The following BNIP2 variants were observed in gnomAD, a reference collection of about 807,000 sequenced individuals.
BNIP2 encodes the protein BCL2/adenovirus E1B 19 kDa protein-interacting protein 2.
BNIP2 carries 36 observed loss-of-function variants against 43.4 expected under a neutral mutation model. The ratio of observed to expected loss-of-function variants is 0.83; its 90% CI spans 0.64 to 1.10. The LOEUF is 1.10. Among genes scored for constraint, BNIP2 ranks in the 50% least tolerant of loss-of-function variants. BNIP2 has a pLI of 0.00. For synonymous variants in BNIP2, 146 were observed against 121.0 expected (o/e 1.21, Z -1.35); for missense variants, 417 against 374.1 (o/e 1.11, Z -0.95).
At position 59,680,306 on chromosome 15, in the gene BNIP2, G is replaced by C; in HGVS notation, c.53C>G (p.Pro18Arg). 6.3e-7 allele frequency: 1 copy of C among 1,594,610 alleles called. No individual in the cohort carries two copies. The highest frequency in any genetic ancestry group is 8.6e-7 in the Non-Finnish European group (1 of 1,169,548). ...TTCAATACTATCATCTTCTGGTAAAGGTCTAGAAGACACAGGCATACTTTT... is the reference window on the plus strand; with the variant it reads ...TTCAATACTATCATCTTCTGGTAAACGTCTAGAAGACACAGGCATACTTTT... ...EEWQDEDFPI[P>R]LPEDDSIEAD... The change falls in exon 3 of 10, where the codon CCT becomes CGT. Residue 18 changes from proline to arginine, a missense_variant and splice_region_variant. Transcript: ENST00000607373.
intron 1 of BNIP2, among the ~76,000 whole-genome samples, chr15:59,687,730 C>G (rs576651029): frequency 6.6e-6 from 1 of 152,120 alleles, no homozygotes; most frequent in African/African-American, 2.4e-5. Context: ...GTTCCTTCTA[C>G]CAGCATTACT....
intron 5 of BNIP2, among the ~76,000 whole-genome samples, chr15:59,673,050 C>A (rs1447474475): frequency 2.0e-5 from 3 of 151,624 alleles, no homozygotes; most frequent in Non-Finnish European, 2.9e-5. Context: ...TAACCCAATA[C>A]AATACAGACA....
Position 59,672,768 on chromosome 15 carries a change from CA to C in BNIP2, c.473-30del, listed in dbSNP as rs752867413. On this transcript the variant is annotated intron_variant, in intron 5 of 9. Transcript: ENST00000607373. ...AAAAAGAAACCAAAGACAGTATCAC[CA>C]GCACGATTTTACTCTTAGGCATTTT... The C allele has an allele frequency of 1.9e-6, 3 of 1,565,524 alleles. No homozygotes were observed. The African/African-American group carries it at 4.1e-5, about 21-fold the overall frequency.
At chr15:59,689,060 C>A in intron 1 of BNIP2, 75 bp downstream of exon 1, 1 of 1,470,594 alleles carries the variant, frequency 6.8e-7, no homozygotes, top group Non-Finnish European at 9.0e-7. Flanking sequence ...ACGCGCCCGA[C>A]AGACTTTCGC....
At chr15:59,665,931 A>G (rs1425907912) in intron 9 of BNIP2, among the ~76,000 whole-genome samples, 4 of 151,988 alleles carry the variant, frequency 2.6e-5, no homozygotes, top group Admixed American at 2.6e-4. Context: ...GTAAAGCCAA[A>G]GTAACATTTT....
At chr15:59,683,184 G>A (rs959886984) in intron 1 of BNIP2, among the ~76,000 whole-genome samples, 2 of 151,018 alleles carry the variant, frequency 1.3e-5, no homozygotes, top group Non-Finnish European at 1.5e-5. Flanking sequence ...TTTAACATAT[G>A]CCATGAACTT....
intron 7 of BNIP2, 34 bp from the exon 8 acceptor site, chr15:59,669,396 G>C (rs1246405531): frequency 3.8e-6 from 5 of 1,315,124 alleles, no homozygotes; most frequent in Non-Finnish European, 5.2e-6. Flanking sequence ...CACACACAAA[G>C]AAAATTAAAA....
At chr15:59,673,656 C>G (rs1480202289) in intron 5 of BNIP2, among the ~76,000 whole-genome samples, 1 of 152,144 alleles carries the variant, frequency 6.6e-6, no homozygotes, top group African/African-American at 2.4e-5. Flanking sequence ...GTCGTGAACT[C>G]CTGGCCTTAA....
intron 5 of BNIP2, among the ~76,000 whole-genome samples, chr15:59,674,508 G>A (rs551463710): frequency 7.4e-4 from 112 of 152,238 alleles, no homozygotes; most frequent in African/African-American, 2.1e-3. Context: ...TGCAGATTAC[G>A]CCATTTTCTT....
intron 1 of BNIP2, among the ~76,000 whole-genome samples, chr15:59,683,293 A>T (rs1273010226): frequency 1.3e-5 from 2 of 152,250 alleles, no homozygotes; most frequent in African/African-American, 2.4e-5. Flanking sequence ...TAAGAAATAG[A>T]AGTTGAGGTA....
intron 6 of BNIP2, among the ~76,000 whole-genome samples, chr15:59,671,832 G>C (rs914019282): frequency 6.6e-6 from 1 of 152,092 alleles, no homozygotes; most frequent in Non-Finnish European, 1.5e-5. Flanking sequence ...TAAAACAGTT[G>C]GGACAGGTAA....
In BNIP2 at chr15:59,672,672, C is replaced by T; in HGVS notation, c.540G>A (p.Gln180=). The part of the protein sequence containing the change: ...FAVCFMPESS[Q]PNYRYLMDNL... ...TGTCCATCAGGTATCTATAGTTAGG[C>T]TGACTACTTTCAGGCATGAAACAGA... Residue 180 remains glutamine, a synonymous_variant, in exon 6 of 10, where the codon CAG becomes CAA. Coordinates refer to ENST00000607373, the MANE Select transcript of BNIP2 (RefSeq NM_004330.4). The T allele has an allele frequency of 1.2e-6, 2 of 1,613,604 alleles. No individual in the cohort carries two copies. The highest frequency in any genetic ancestry group is 1.7e-6 in the Non-Finnish European group (2 of 1,179,708).
intron 6 of BNIP2, among the ~76,000 whole-genome samples, chr15:59,671,940 G>C (rs1467179551): frequency 1.3e-5 from 2 of 152,176 alleles, no homozygotes; most frequent in East Asian, 3.8e-4. Context: ...GCAGGATGTG[G>C]TGACATGTGC....
intron 2 of BNIP2, among the ~76,000 whole-genome samples, chr15:59,681,483 C>T (rs993532511): frequency 4.8e-5 from 7 of 144,556 alleles, no homozygotes; most frequent in Middle Eastern, 7.6e-3. Flanking sequence ...GAGCCTTGCT[C>T]GGTCGCCCAA....
chr15:59,677,674 C>A (rs1007014), intron 5 of BNIP2: 6 of 1,189,822 alleles, frequency 5.0e-6, no homozygotes, highest in Non-Finnish European at 6.5e-6. Context: ...AAACTGACAT[C>A]AGATGTCTTG....
At position 59,689,190 on chromosome 15, in the gene BNIP2, G is replaced by C. The variant is rs746300976; in HGVS notation, c.-113C>G. 1 of 1,539,370 alleles carries C rather than the reference G, an allele frequency of 6.5e-7. No individual in the cohort carries two copies. The highest frequency in any genetic ancestry group is 1.2e-5 in the South Asian group (1 of 84,022). On this transcript the variant is annotated 5_prime_UTR_variant, in exon 1 of 10. Transcript: ENST00000607373. ...TTCGCCCCTCCAGGCCGGCGACGTGGGGCTGACGGCCAGGTCGCAAAAAGC... is the reference window on the plus strand; with the variant it reads ...TTCGCCCCTCCAGGCCGGCGACGTGCGGCTGACGGCCAGGTCGCAAAAAGC...
intron 1 of BNIP2, 43 bp downstream of exon 1, chr15:59,689,092 A>T: frequency 6.6e-7 from 1 of 1,519,108 alleles, no homozygotes; most frequent in East Asian, 2.5e-5. Flanking sequence ...TTCCCAGTCC[A>T]GCTCCGGAGC....
intron 2 of BNIP2, among the ~76,000 whole-genome samples, chr15:59,681,631 G>C (rs1458503063): frequency 6.6e-6 from 1 of 151,988 alleles, no homozygotes; most frequent in African/African-American, 2.4e-5. Context: ...ATTTTTAGTA[G>C]AGACGGGGTT....
intron 9 of BNIP2, chr15:59,668,108 TTG>T: frequency 7.7e-7 from 1 of 1,298,010 alleles, no homozygotes; most frequent in South Asian, 1.2e-5. Flanking sequence ...TATACCTTTT[TTG>T]TTTCTTTTTA....
Sources: allele counts gnomAD v4.1 joint callset (sites outside exome capture counted in the v4.1 genomes callset), GRCh38; gene constraint gnomAD v4.1.1; transcripts MANE v1.5; gene names NCBI Gene and HGNC (gene_info 2026-07-23, HGNC 2026-07-21).